Variants in PAICS observed in about 807,000 individuals in gnomAD.
PAICS encodes phosphoribosylaminoimidazole carboxylase and phosphoribosylaminoimidazolesuccinocarboxamide synthase.
Under a neutral mutation model 53.7 loss-of-function variants are expected in PAICS, and 33 were observed. That is an observed-to-expected ratio of 0.61 (90% CI 0.47 to 0.82). The LOEUF (loss-of-function observed/expected upper bound fraction) is 0.82. PAICS is among the 40% of genes least tolerant of loss of function. The pLI, the probability that PAICS is intolerant of heterozygous loss-of-function variation, is 0.00. For synonymous variants in PAICS, 141 were observed against 167.2 expected (o/e 0.84, Z 1.21); for missense variants, 394 against 494.1 (o/e 0.80, Z 1.92).
rs765455551 is a variant in PAICS, at chr4:56,463,351, C to T, written c.*3813C>T. The T allele has an allele frequency of 1.3e-5, 2 of 150,854 alleles. No homozygotes were observed. The highest frequency in any genetic ancestry group is 2.0e-4 in the East Asian group (1 of 5,046). The allele number at this position is 150,854 out of a possible 1,614,324, so 9.3% of individuals were successfully genotyped here. On this transcript the variant is annotated 3_prime_UTR_variant, in exon 9 of 9. Coordinates refer to ENST00000512576, the MANE Select transcript of PAICS (RefSeq NM_001079524.2). Reference sequence around the variant, plus strand: ...GTACATGAGGCTGGGCGCGGTGGCTCACGTCTTATTTCTTCTGCTTGCCTC... The same window carrying T: ...GTACATGAGGCTGGGCGCGGTGGCTTACGTCTTATTTCTTCTGCTTGCCTC...
At chr4:56,437,277 G>C (rs1217455492) in intron 1 of PAICS, among the ~76,000 whole-genome samples, 2 of 150,264 alleles carry the variant, frequency 1.3e-5, no homozygotes, top group East Asian at 4.5e-4. Flanking sequence ...GTGTGTGTGT[G>C]TGTGTGTGTG....
intron 2 of PAICS, among the ~76,000 whole-genome samples, chr4:56,444,703 C>T (rs961343258): frequency 6.6e-6 from 1 of 152,162 alleles, no homozygotes; most frequent in African/African-American, 2.4e-5. Context: ...ATTATGTCAT[C>T]TAAACTGAGT....
At chr4:56,437,648 C>G (rs1207085754) in intron 1 of PAICS, among the ~76,000 whole-genome samples, 2 of 151,506 alleles carry the variant, frequency 1.3e-5, no homozygotes, top group Non-Finnish European at 2.9e-5. Context: ...TGGTGAAACC[C>G]CGGCTCTACT....
intron 8 of PAICS, among the ~76,000 whole-genome samples, chr4:56,457,067 C>G (rs1222372741): frequency 6.6e-6 from 1 of 152,122 alleles, no homozygotes; most frequent in Non-Finnish European, 1.5e-5. Flanking sequence ...ACTCAGAGAA[C>G]AAAAGTTGTC....
At chr4:56,443,713 A>G (rs1488445237) in intron 2 of PAICS, among the ~76,000 whole-genome samples, 1 of 152,150 alleles carries the variant, frequency 6.6e-6, no homozygotes, top group Admixed American at 6.6e-5. Context: ...CACTCATCCC[A>G]TTATCCATTT....
chr4:56,414,079 A>C, the PAICS span, among the ~76,000 whole-genome samples: 2 of 152,182 alleles, frequency 1.3e-5, no homozygotes, highest in Non-Finnish European at 2.9e-5. Context: ...AGAAATTTGC[A>C]TGATTTTCTT....
In PAICS at chr4:56,462,455, AGAG is replaced by A. The variant is rs1719551509; in HGVS notation, c.*2921_*2923del. The stretch of plus-strand genomic sequence containing the variant: ...AGGTTCTCTGGCTGTTGTGTGGACA[AGAG>A]GAGAAGCAGAGATTAGTTAAGAGGC... On this transcript the variant is annotated 3_prime_UTR_variant, in exon 9 of 9. Transcript: ENST00000512576. 6.6e-6 allele frequency: 1 copy of A among 152,234 alleles called. No homozygotes were observed. Among genetic ancestry groups the A allele is most frequent in the South Asian group, 2.1e-4 (1 of 4,834 alleles). 9.4% of individuals were successfully genotyped at this position (152,234 alleles called of 1,614,324 possible).
chr4:56,444,270 A>G (rs1335557205), intron 2 of PAICS, among the ~76,000 whole-genome samples: 2 of 152,204 alleles, frequency 1.3e-5, no homozygotes, highest in Non-Finnish European at 2.9e-5. Flanking sequence ...TTTCCGTGGA[A>G]ATAGTATAAC....
At chr4:56,435,761 C>T, upstream of PAICS, 1 of 1,496,450 alleles carries the variant, frequency 6.7e-7, no homozygotes, top group South Asian at 1.2e-5. Flanking sequence ...TAGCCTTCCC[C>T]TAAGAGCTGC....
At chr4:56,420,644 T>C in the PAICS span, 1 of 152,120 alleles carries the variant, frequency 6.6e-6, no homozygotes, top group Admixed American at 6.5e-5. Flanking sequence ...ATAAAGCAAA[T>C]ATGCAACCCC....
upstream of PAICS, chr4:56,435,878 T>C: frequency 6.8e-7 from 1 of 1,481,132 alleles, no homozygotes; most frequent in Non-Finnish European, 9.0e-7. Flanking sequence ...TCAGAGCATT[T>C]AGCCTTCATA....
intron 2 of PAICS, among the ~76,000 whole-genome samples, chr4:56,444,319 T>C (rs1718487980): frequency 6.6e-6 from 1 of 152,202 alleles, no homozygotes; most frequent in African/African-American, 2.4e-5. Flanking sequence ...GGATTTGGTT[T>C]TATTACTTAA....
the PAICS span, among the ~76,000 whole-genome samples, chr4:56,424,017 A>G: frequency 6.6e-6 from 1 of 152,182 alleles, no homozygotes; most frequent in Non-Finnish European, 1.5e-5. Context: ...TAAAACAACA[A>G]CAAAGTGATG....
Position 56,460,978 on chromosome 4 carries a change from GA to G in PAICS, c.*1450del, listed in dbSNP as rs541899967. ...AGAGCAAGACTCTGTCTCAAAAGGG[GA>G]AAAAAAAAATTGCTGATGTGACCCA... On this transcript the variant is annotated 3_prime_UTR_variant, in exon 9 of 9. Transcript: ENST00000512576. 1.9e-4 allele frequency: 29 copies of G among 149,894 alleles called. No homozygotes were observed. Among genetic ancestry groups the G allele is most frequent in the African/African-American group, 4.6e-4 (19 of 40,902 alleles). 9.3% of individuals were successfully genotyped at this position (149,894 alleles called of 1,614,324 possible).
upstream of PAICS, among the ~76,000 whole-genome samples, chr4:56,432,983 T>TATAC (rs1553940515): frequency 1.4e-5 from 2 of 147,834 alleles, no homozygotes; most frequent in African/African-American, 5.1e-5. Flanking sequence ...CATATATACA[T>TATAC]ACACACACGT....
rs746952997 is a variant in PAICS at position 56,462,294 on chromosome 4, T to TA, written c.*2757dup. On this transcript the variant is annotated 3_prime_UTR_variant, in exon 9 of 9. Transcript: ENST00000512576. ...GAGGACCTCCAAACATGAGAATTGC[T>TA]AGAGCTCTGTGAACAAGGATGAGAG... 1 of 152,196 alleles carries TA rather than the reference T, an allele frequency of 6.6e-6. No homozygotes were observed. The highest frequency in any genetic ancestry group is 1.5e-5 in the Non-Finnish European group (1 of 68,052). 9.4% of individuals were successfully genotyped at this position (152,196 alleles called of 1,614,324 possible).
At chr4:56,436,633 C>G (rs1356020373) in intron 1 of PAICS, 3 of 647,666 alleles carry the variant, frequency 4.6e-6, no homozygotes, top group African/African-American at 3.6e-5. Flanking sequence ...TTCGTCAAAA[C>G]CTGAGTCTTG....
chr4:56,454,282 C>T (rs987774564), intron 8 of PAICS, among the ~76,000 whole-genome samples: 10 of 152,140 alleles, frequency 6.6e-5, no homozygotes, highest in African/African-American at 1.7e-4. Context: ...TCATGGATCA[C>T]GTGTGTAAAT....
rs1293252903 is a variant in PAICS at position 56,462,025 on chromosome 4, G to C, written c.*2487G>C. ...TTGATTCTAGGGCCTAGGAAAATAG[G>C]ACTGAGCAAAGCCCTTGTCCAGATG... On this transcript the variant is annotated 3_prime_UTR_variant, in exon 9 of 9. Coordinates refer to ENST00000512576, the MANE Select transcript of PAICS (RefSeq NM_001079524.2). 3 of 152,292 alleles carry C rather than the reference G, an allele frequency of 2.0e-5. No individual in the cohort carries two copies. In the East Asian group the frequency reaches 5.8e-4, roughly 29 times the overall value. 9.4% of individuals were successfully genotyped at this position (152,292 alleles called of 1,614,324 possible).
Sources: gnomAD v4.1 joint callset for allele counts (sites outside exome capture counted in the v4.1 genomes callset) on GRCh38, gnomAD v4.1.1 for gene constraint, MANE v1.5 for transcripts, NCBI Gene and HGNC (gene_info 2026-07-23, HGNC 2026-07-21) for gene names.